ATP2B2: variants seen among roughly 807,000 people sequenced by gnomAD.
ATP2B2 encodes the protein ATPase plasma membrane Ca2+ transporting 2.
A neutral mutation model predicts 120.0 loss-of-function variants in ATP2B2; 15 were observed. That is an observed-to-expected ratio of 0.12 (90% CI 0.08 to 0.19). The LOEUF (loss-of-function observed/expected upper bound fraction) is 0.19. Ranked by LOEUF, ATP2B2 falls within the 10% of genes least tolerant of loss-of-function variation. ATP2B2 has a pLI of 1.00. For missense variants in ATP2B2, 1,045 were observed against 1,719.8 expected (o/e 0.61, Z 6.94); for synonymous variants, 694 against 700.3 (o/e 0.99, Z 0.14).
At chr3:10,517,787 G>A (rs2066905699) in intron 3 of ATP2B2, among the ~76,000 whole-genome samples, 2 of 152,222 alleles carry the variant, frequency 1.3e-5, no homozygotes, top group South Asian at 4.1e-4. Flanking sequence ...GATGTGAACT[G>A]GGTGTCACGT....
At chr3:10,480,915 G>C (rs1416797763) in intron 1 of ATP2B2, among the ~76,000 whole-genome samples, 1 of 152,228 alleles carries the variant, frequency 6.6e-6, no homozygotes, top group Non-Finnish European at 1.5e-5. Flanking sequence ...GGTCTGCAAG[G>C]CCAGGGCCAG....
chr3:10,470,313 T>C (rs2125276737), intron 1 of ATP2B2, among the ~76,000 whole-genome samples: 1 of 152,244 alleles, frequency 6.6e-6, no homozygotes, highest in South Asian at 2.1e-4. Flanking sequence ...ATGCCCATTA[T>C]ATAGATGGGG....
chr3:10,516,740 A>G (rs2066883577), intron 3 of ATP2B2, among the ~76,000 whole-genome samples: 1 of 152,230 alleles, frequency 6.6e-6, no homozygotes, highest in East Asian at 1.9e-4. Context: ...TGATATTTAC[A>G]GGGCTCTCGC....
At chr3:10,556,279 G>T (rs368342306) in intron 2 of ATP2B2, among the ~76,000 whole-genome samples, 2 of 152,212 alleles carry the variant, frequency 1.3e-5, no homozygotes, top group South Asian at 4.1e-4. Flanking sequence ...TTGTCTATGT[G>T]ACTGCTCTCA....
intron 2 of ATP2B2, among the ~76,000 whole-genome samples, chr3:10,433,569 TG>T (rs1459823272): frequency 6.6e-6 from 1 of 152,144 alleles, no homozygotes; most frequent in Non-Finnish European, 1.5e-5. Context: ...TTACTATAAA[TG>T]GGAGGTAAAA....
In ATP2B2 at chr3:10,593,788, T is replaced by C. The variant is rs550333634; in HGVS notation, c.-415+26129A>G. Among the ~76,000 whole-genome samples, 95 of 152,112 alleles carry C rather than the reference T, an allele frequency of 6.2e-4. No individual in the cohort carries two copies. In the East Asian group the frequency reaches 0.017, roughly 27 times the overall value. On this transcript the variant is annotated intron_variant, in intron 2 of 21. Transcript: ENST00000646379. ...CAGAGTGAACAGGCAACCTACAGAA[T>C]GGGAGAAAATTTTTGCAATCTACTC...
At chr3:10,596,643 G>T (rs1327773986) in intron 2 of ATP2B2, among the ~76,000 whole-genome samples, 2 of 152,206 alleles carry the variant, frequency 1.3e-5, no homozygotes, top group African/African-American at 4.8e-5. Flanking sequence ...AAAACAGAAA[G>T]TCCCAGACAG....
chr3:10,687,101 C>A (rs1438646831), intron 1 of ATP2B2, among the ~76,000 whole-genome samples: 1 of 152,196 alleles, frequency 6.6e-6, no homozygotes, highest in African/African-American at 2.4e-5. Flanking sequence ...AGAAAAGTTG[C>A]AACTACATGG....
chr3:10,501,582 G>C lies in ATP2B2; in HGVS notation c.-320+3883C>G, dbSNP rs555428689. On this transcript the variant is annotated intron_variant, in intron 1 of 22. Coordinates refer to ENST00000360273, the MANE Select transcript of ATP2B2 (RefSeq NM_001001331.4). The stretch of plus-strand genomic sequence containing the variant: ...GATGGGGTCTTGGAGAGTGCCCTTG[G>C]AGCATGGCTCCCAGCTGTCTGCTGA... Among the ~76,000 whole-genome samples the C allele has an allele frequency of 6.5e-4, 98 of 151,888 alleles. 1 individual carries two copies. The Middle Eastern group carries it at 0.01, about 16-fold the overall frequency.
chr3:10,579,903 T>C (rs58724670), intron 2 of ATP2B2, among the ~76,000 whole-genome samples: 6,252 of 152,208 alleles, frequency 0.041, 161 homozygotes, highest in African/African-American at 0.068. Context: ...TCCCCTTCCA[T>C]GAATGTAGCA....
At chr3:10,411,395 C>G (rs1464499813) in intron 2 of ATP2B2, among the ~76,000 whole-genome samples, 1 of 152,202 alleles carries the variant, frequency 6.6e-6, no homozygotes, top group Non-Finnish European at 1.5e-5. Flanking sequence ...AAGCCACAAT[C>G]AGTCTGTGGT....
At chr3:10,574,969 C>T (rs1237065298) in intron 2 of ATP2B2, among the ~76,000 whole-genome samples, 1 of 152,164 alleles carries the variant, frequency 6.6e-6, no homozygotes, top group Non-Finnish European at 1.5e-5. Flanking sequence ...GACTTGACAC[C>T]TGGGCCTGTG....
chr3:10,443,492 G>GA (rs752254216), intron 2 of ATP2B2, among the ~76,000 whole-genome samples: 35 of 152,298 alleles, frequency 2.3e-4, no homozygotes, highest in African/African-American at 8.4e-4. Flanking sequence ...ATGGGGCGGG[G>GA]CTTATGAGGA....
chr3:10,508,708 G>A (rs1296159860), upstream of ATP2B2, among the ~76,000 whole-genome samples: 1 of 152,224 alleles, frequency 6.6e-6, no homozygotes, highest in African/African-American at 2.4e-5. Flanking sequence ...CTTCCAGGAT[G>A]TGTTGGGGGG....
intron 1 of ATP2B2, among the ~76,000 whole-genome samples, chr3:10,467,811 C>T (rs866085141): frequency 5.3e-5 from 8 of 152,068 alleles, no homozygotes; most frequent in Non-Finnish European, 1.0e-4. Context: ...CAGAGATGAG[C>T]GTGAGAGCAG....
Position 10,347,947 on chromosome 3 carries a change from C to T in ATP2B2, c.2405-1810G>A, listed in dbSNP as rs370437194. On this transcript the variant is annotated intron_variant, in intron 16 of 22. Coordinates refer to ENST00000360273, the MANE Select transcript of ATP2B2 (RefSeq NM_001001331.4). The surrounding 1 kb of genome is among the most constrained non-coding windows in gnomAD (Gnocchi z 5.2). ...CCATGGACCACACCTTCCTCCTCCA[C>T]AGGCCTCCTTCCTTGTCTTCCCGGC... is the stretch of plus-strand genomic sequence containing the variant. Among the ~76,000 whole-genome samples the T allele has an allele frequency of 2.6e-5, 4 of 152,252 alleles. No individual in the cohort carries two copies. The East Asian group carries it at 7.7e-4, about 29-fold the overall frequency.
chr3:10,368,414 T>TA (rs1239838016), intron 12 of ATP2B2, among the ~76,000 whole-genome samples: 1 of 152,110 alleles, frequency 6.6e-6, no homozygotes, highest in Non-Finnish European at 1.5e-5. Flanking sequence ...AAGACTCCTA[T>TA]AAATTCATAG....
At chr3:10,616,125 G>T (rs1181140793) in intron 2 of ATP2B2, among the ~76,000 whole-genome samples, 1 of 152,180 alleles carries the variant, frequency 6.6e-6, no homozygotes, top group Non-Finnish European at 1.5e-5. Flanking sequence ...TCAGTTGCCA[G>T]GAACAAGCTG....
At chr3:10,488,492 TTCC>T (rs1559402932) in intron 1 of ATP2B2, among the ~76,000 whole-genome samples, 8 of 105,114 alleles carry the variant, frequency 7.6e-5, no homozygotes, top group African/African-American at 3.1e-4. Context: ...CCTTCCTTCC[TTCC>T]TTCCTTCCTT....
Sources: allele counts gnomAD v4.1 joint callset (sites outside exome capture counted in the v4.1 genomes callset), GRCh38; gene constraint gnomAD v4.1.1; non-coding constraint Gnocchi (gnomAD v3.1); transcripts MANE v1.5; gene names NCBI Gene and HGNC (gene_info 2026-07-23, HGNC 2026-07-21).